SPEN: variants seen among roughly 807,000 people sequenced by gnomAD.
SPEN encodes spen family transcriptional repressor.
Under a neutral mutation model 269.9 loss-of-function variants are expected in SPEN, and 18 were observed. The observed-to-expected ratio is 0.07, with a 90% CI of 0.05 to 0.10. The LOEUF (loss-of-function observed/expected upper bound fraction) is 0.10. Ranked by LOEUF, SPEN falls within the 10% of genes least tolerant of loss-of-function variation. The pLI is 1.00. For missense variants in SPEN, 3,822 were observed against 4,631.2 expected (o/e 0.83, Z 5.07); for synonymous variants, 1,726 against 1,765.7 (o/e 0.98, Z 0.56).
intron 1 of SPEN, among the ~76,000 whole-genome samples, chr1:15,852,314 A>G (rs1042874637): frequency 2.6e-5 from 4 of 152,008 alleles, no homozygotes; most frequent in Admixed American, 6.6e-5. Flanking sequence ...CTATGAAACC[A>G]CCTCTGGTTT....
At position 15,931,424 on chromosome 1, in the gene SPEN, G is replaced by T. The variant is rs1188054350; in HGVS notation, c.5184G>T (p.Pro1728=). The T allele has an allele frequency of 1.2e-6, 2 of 1,614,108 alleles. No homozygotes were observed. The highest frequency in any genetic ancestry group is 1.7e-6 in the Non-Finnish European group (2 of 1,180,032). ...AGGAAGGTTCATCAGGTGACCAGCCGCCTTATCTGGATGCCAAGCCTCCAA... is the reference window on the plus strand; with the variant it reads ...AGGAAGGTTCATCAGGTGACCAGCCTCCTTATCTGGATGCCAAGCCTCCAA... The part of the protein sequence containing the change: ...GVEEGSSGDQ[P]PYLDAKPPTP... The change falls in exon 11 of 15, where the codon CCG becomes CCT. Residue 1728 remains proline, a synonymous_variant. Transcript: ENST00000375759. This position sits in a 1 kb window ranked among gnomAD's most constrained non-coding sequence, Gnocchi z 4.8.
intron 5 of SPEN, among the ~76,000 whole-genome samples, chr1:15,914,552 G>A (rs770452793): frequency 6.6e-6 from 1 of 152,188 alleles, no homozygotes; most frequent in African/African-American, 2.4e-5. Context: ...GCTGGACGTC[G>A]TGGCTCACAC....
intron 10 of SPEN, 151 bp from the exon 11 acceptor site, chr1:15,927,940 G>A (rs1335424460): frequency 1.4e-6 from 1 of 704,166 alleles, no homozygotes; most frequent in Non-Finnish European, 2.3e-6. Context: ...TGAAGCTATA[G>A]TGGATAGCTA....
chr1:15,857,660 A>T (rs560006513), intron 1 of SPEN, among the ~76,000 whole-genome samples: 342 of 141,896 alleles, frequency 2.4e-3, no homozygotes, highest in African/African-American at 8.6e-3. Flanking sequence ...CCCGGCCCCT[A>T]TTTATTTATT....
At chr1:15,865,969 C>G (rs1227974345) in intron 1 of SPEN, among the ~76,000 whole-genome samples, 2 of 151,236 alleles carry the variant, frequency 1.3e-5, no homozygotes, top group African/African-American at 4.9e-5. Flanking sequence ...CTCCTGAGTT[C>G]AAGTGATTCA....
intron 3 of SPEN, among the ~76,000 whole-genome samples, chr1:15,908,725 A>G (rs1338005552): frequency 6.6e-6 from 1 of 152,138 alleles, no homozygotes; most frequent in African/African-American, 2.4e-5. Flanking sequence ...GTTTTATTTA[A>G]TTCTTAACCC....
At chr1:15,919,135 T>A in intron 7 of SPEN, 84 bp downstream of exon 7, 1 of 1,211,164 alleles carries the variant, frequency 8.3e-7, no homozygotes, top group Non-Finnish European at 1.2e-6. Context: ...TGCATATGCC[T>A]TATTATTTAA....
In SPEN at chr1:15,932,721, G is replaced by A. The variant is rs757967848; in HGVS notation, c.6481G>A (p.Glu2161Lys). The change falls in exon 11 of 15, where the codon GAA becomes AAA. Residue 2161 changes from glutamate to lysine, a missense_variant. Glu to Lys is a moderately conservative substitution (Grantham distance 56, BLOSUM62 1). This residue lies in a region of SPEN where 727 missense variants were observed against 737.9 expected (regional missense o/e 0.99). Transcript: ENST00000375759. The surrounding 1 kb of genome is among the most constrained non-coding windows in gnomAD (Gnocchi z 4.2). ...EDVSASGPSP[E>K]ATQLAKQMEL... ...CGTGTCTGCCTCTGGGCCGTCCCCA[G>A]AAGCCACCCAGTTAGCCAAGCAGAT... 5 of 1,614,180 alleles carry A rather than the reference G, an allele frequency of 3.1e-6. No homozygotes were observed. The highest frequency in any genetic ancestry group is 4.2e-6 in the Non-Finnish European group (5 of 1,180,028).
chr1:15,930,863 G>A lies in SPEN; in HGVS notation c.4623G>A (p.Lys1541=). 6.2e-7 allele frequency: 1 copy of A among 1,614,082 alleles called. No homozygotes were observed. Among genetic ancestry groups the A allele is most frequent in the Non-Finnish European group, 8.5e-7 (1 of 1,180,034 alleles). The part of the protein sequence containing the change: ...LHSSIFEQDS[K]RLQHLERKEE... ...GCTCAATCTTTGAACAAGATTCCAA[G>A]CGATTGCAGCATCTAGAGAGAAAAG... Residue 1541 remains lysine, a synonymous_variant, in exon 11 of 15, where the codon AAG becomes AAA. Transcript: ENST00000375759. The surrounding 1 kb of genome is among the most constrained non-coding windows in gnomAD (Gnocchi z 5.3).
In SPEN at chr1:15,930,065, C is replaced by T; in HGVS notation, c.3825C>T (p.Pro1275=). 6.2e-7 allele frequency: 1 copy of T among 1,614,178 alleles called. No homozygotes were observed. The highest frequency in any genetic ancestry group is 8.5e-7 in the Non-Finnish European group (1 of 1,180,020). ...GTTCCTTCCATGAAGATGAGGATCC[C>T]ATAGGCTCCCCTAGGCTACTGTCAG... ...RHGSFHEDED[P]IGSPRLLSVK... is the part of the protein sequence containing the mutation. Residue 1275 remains proline (P), a synonymous_variant, in exon 11 of 15, where the codon CCC becomes CCT. Coordinates refer to ENST00000375759, the MANE Select transcript of SPEN (RefSeq NM_015001.3). The surrounding 1 kb of genome is among the most constrained non-coding windows in gnomAD (Gnocchi z 5.3).
At position 15,935,904 on chromosome 1, in the gene SPEN, G is replaced by C. The variant is rs143223138; in HGVS notation, c.9664G>C (p.Ala3222Pro). ...AADGVVKVPP[A>P]SKAPQQPGKE... ...GGATGGGGTGGTGAAGGTGCCACCA[G>C]CCAGCAAGGCCCCTCAGCAGCCAGG... Residue 3222 changes from alanine (A) to proline (P), a missense_variant, in exon 11 of 15, where the codon GCC becomes CCC. This residue lies in a region of SPEN where 359 missense variants were observed against 377.3 expected (regional missense o/e 0.95). Transcript: ENST00000375759. The surrounding 1 kb of genome is among the most constrained non-coding windows in gnomAD (Gnocchi z 7.7). 468 of 1,612,942 alleles carry C rather than the reference G, an allele frequency of 2.9e-4. 2 individuals are homozygous for C. The African/African-American group carries it at 5.8e-3, about 20-fold the overall frequency.
intron 7 of SPEN, 62 bp downstream of exon 7, chr1:15,919,113 G>GC (rs2071091589): frequency 2.7e-6 from 4 of 1,507,436 alleles, no homozygotes; most frequent in Non-Finnish European, 3.6e-6. Context: ...AAGACTTGAA[G>GC]GGTTTTTTTT....
At chr1:15,885,448 G>C (rs1053806913) in intron 3 of SPEN, among the ~76,000 whole-genome samples, 1 of 152,194 alleles carries the variant, frequency 6.6e-6, no homozygotes, top group East Asian at 1.9e-4. Context: ...GGAAGTGTAC[G>C]TGGAGTTTCT....
intron 1 of SPEN, among the ~76,000 whole-genome samples, chr1:15,855,120 T>C (rs1180105077): frequency 6.6e-6 from 1 of 152,148 alleles, no homozygotes; most frequent in Non-Finnish European, 1.5e-5. Flanking sequence ...TAAGGAAGAT[T>C]TGTGGGAAAA....
chr1:15,891,753 G>A (rs1248501029), intron 3 of SPEN, among the ~76,000 whole-genome samples: 2 of 151,688 alleles, frequency 1.3e-5, no homozygotes, highest in African/African-American at 2.4e-5. Flanking sequence ...GACTCCCAAA[G>A]CACTGGGATT....
intron 2 of SPEN, 130 bp downstream of exon 2, chr1:15,873,266 A>G (rs761410458): frequency 4.1e-5 from 58 of 1,404,288 alleles, no homozygotes; most frequent in Non-Finnish European, 5.3e-5. Flanking sequence ...TGGGTTGGAA[A>G]CGGAAGTGAT....
Position 15,848,249 on chromosome 1 carries a change from G to A in SPEN, c.83+99G>A, listed in dbSNP as rs2070294100. The A allele has an allele frequency of 2.4e-6, 2 of 843,532 alleles. No homozygotes were observed. Among genetic ancestry groups the A allele is most frequent in the Non-Finnish European group, 3.4e-6 (2 of 593,634 alleles). The allele number at this position is 843,532 out of a possible 1,614,324, so 52.3% of individuals were successfully genotyped here. A position where few individuals can be genotyped will look rare whatever the true frequency, so the allele number is the denominator to read the frequency against. On this transcript the variant is annotated intron_variant, in intron 1 of 14. Coordinates refer to ENST00000375759, the MANE Select transcript of SPEN (RefSeq NM_015001.3). The surrounding 1 kb of genome is among the most constrained non-coding windows in gnomAD (Gnocchi z 5.1). ...TCCCGGAGCGCGGAGCTGGTGAGGAGGACTCCGGCCCGGACCCACGGGCGC... is the reference window on the plus strand; with the variant it reads ...TCCCGGAGCGCGGAGCTGGTGAGGAAGACTCCGGCCCGGACCCACGGGCGC...
At chr1:15,863,003 T>A (rs1035707085) in intron 1 of SPEN, among the ~76,000 whole-genome samples, 1 of 152,152 alleles carries the variant, frequency 6.6e-6, no homozygotes, top group Non-Finnish European at 1.5e-5. Context: ...CCTTGTGGTC[T>A]GCCTACCTCA....
intron 1 of SPEN, among the ~76,000 whole-genome samples, chr1:15,868,439 T>G (rs909345123): frequency 1.7e-5 from 2 of 115,256 alleles, no homozygotes; most frequent in African/African-American, 7.8e-5. Context: ...AGAATAAAAC[T>G]TTTTTTTTTT....
Sources: allele counts gnomAD v4.1 joint callset (sites outside exome capture counted in the v4.1 genomes callset), GRCh38; gene constraint gnomAD v4.1.1; regional missense constraint gnomAD v4.1.1; non-coding constraint Gnocchi (gnomAD v3.1); transcripts MANE v1.5; gene names NCBI Gene and HGNC (gene_info 2026-07-23, HGNC 2026-07-21).